The following P2RX7 variants were observed in gnomAD, a reference collection of about 807,000 sequenced individuals.
P2RX7 encodes P2X purinoceptor 7.
A neutral mutation model predicts 71.6 loss-of-function variants in P2RX7; 62 were observed. The ratio of observed to expected loss-of-function variants is 0.87; its 90% CI spans 0.71 to 1.07. The LOEUF (loss-of-function observed/expected upper bound fraction) is 1.07, where lower values mean the gene tolerates loss of function less well. P2RX7 is among the 50% of genes least tolerant of loss of function. P2RX7 has a pLI of 0.00. For missense variants in P2RX7, 686 were observed against 748.5 expected (o/e 0.92, Z 0.97); for synonymous variants, 299 against 283.3 (o/e 1.06, Z -0.56).
intron 1 of P2RX7, among the ~76,000 whole-genome samples, chr12:121,134,697 T>A (rs1404081048): frequency 1.3e-5 from 2 of 152,144 alleles, no homozygotes; most frequent in Admixed American, 1.3e-4. Context: ...CGGCTGATTG[T>A]CTGTCTTTTT....
At chr12:121,139,969 C>T (rs541109763) in intron 1 of P2RX7, among the ~76,000 whole-genome samples, 12 of 152,196 alleles carry the variant, frequency 7.9e-5, no homozygotes, top group African/African-American at 1.9e-4. Flanking sequence ...TGGCCTCAAG[C>T]GATCCGTCCG....
At chr12:121,137,353 T>C (rs1243031649) in intron 1 of P2RX7, among the ~76,000 whole-genome samples, 1 of 152,186 alleles carries the variant, frequency 6.6e-6, no homozygotes, top group Non-Finnish European at 1.5e-5. Context: ...CAACTTGTTC[T>C]AGATCTGGAG....
intron 3 of P2RX7, among the ~76,000 whole-genome samples, chr12:121,159,003 C>T (rs1299622692): frequency 6.6e-6 from 1 of 152,212 alleles, no homozygotes; most frequent in Non-Finnish European, 1.5e-5. Context: ...TGTGACAAGG[C>T]AGCCTGGGAA....
At chr12:121,166,517 C>T (rs1343153712) in intron 7 of P2RX7, among the ~76,000 whole-genome samples, 2 of 152,106 alleles carry the variant, frequency 1.3e-5, no homozygotes, top group African/African-American at 4.8e-5. Flanking sequence ...GGGCAGTGCT[C>T]CCTCCGGGAC....
chr12:121,144,263 T>A (rs892846984), intron 1 of P2RX7, among the ~76,000 whole-genome samples: 1 of 152,194 alleles, frequency 6.6e-6, no homozygotes, highest in Non-Finnish European at 1.5e-5. Context: ...AGTGGTATGA[T>A]CTCGCCTCAC....
Position 121,180,439 on chromosome 12 carries a change from AG to A in P2RX7, c.1277del (p.Gly426AlafsTer180), listed in dbSNP as rs1883948083. On this transcript the variant is annotated frameshift_variant, in exon 12 of 13. Coordinates refer to ENST00000328963, the MANE Select transcript of P2RX7 (RefSeq NM_002562.6). LOFTEE classifies it low-confidence loss of function (END_TRUNC). The stretch of plus-strand genomic sequence containing the variant: ...CTAGGGAGAAGTCTGCAAGATGTCA[AG>A]GGCCAAGAAGTCCCAGTAAGTTAAA... Reference protein sequence around the residue: ...QLLGRSLQDVKGQEVPRPAMD... With the variant: ...QLLGRSLQDVXGQEVPRPAMD... 9 of 1,574,260 alleles carry A rather than the reference AG, an allele frequency of 5.7e-6. No homozygotes were observed. Among genetic ancestry groups the A allele is most frequent in the Non-Finnish European group, 7.8e-6 (9 of 1,158,038 alleles).
At chr12:121,171,581 G>A (rs556578697) in intron 8 of P2RX7, among the ~76,000 whole-genome samples, 4 of 151,836 alleles carry the variant, frequency 2.6e-5, no homozygotes, top group Non-Finnish European at 4.4e-5. Context: ...TGCAAACACT[G>A]TATTTCCAAA....
intron 1 of P2RX7, among the ~76,000 whole-genome samples, chr12:121,135,860 C>G (rs957231118): frequency 4.0e-5 from 6 of 149,788 alleles, no homozygotes; most frequent in African/African-American, 1.5e-4. Flanking sequence ...AAAAATTAGC[C>G]GGGCATGGTG....
At chr12:121,163,572 A>AG (rs1395653122) in intron 5 of P2RX7, among the ~76,000 whole-genome samples, 5 of 104,326 alleles carry the variant, frequency 4.8e-5, no homozygotes, top group Non-Finnish European at 8.8e-5. Flanking sequence ...ATAGATAGAT[A>AG]AATAGATAAT....
intron 4 of P2RX7, 130 bp from the exon 5 acceptor site, chr12:121,162,294 C>A (rs112541259): frequency 2.1e-6 from 3 of 1,454,512 alleles, no homozygotes; most frequent in Admixed American, 2.5e-5. Context: ...GAAGCTGAAG[C>A]TGCGTGGGTT....
intron 1 of P2RX7, among the ~76,000 whole-genome samples, chr12:121,146,101 T>C (rs990632175): frequency 7.2e-5 from 11 of 152,148 alleles, no homozygotes; most frequent in Admixed American, 5.2e-4. Flanking sequence ...AACTTTCGCC[T>C]TTGGTTAGAG....
chr12:121,142,369 A>G (rs1302695413), intron 1 of P2RX7, among the ~76,000 whole-genome samples: 1 of 152,120 alleles, frequency 6.6e-6, no homozygotes, highest in Non-Finnish European at 1.5e-5. Flanking sequence ...AAGTCCTCCC[A>G]CATTCCCTGC....
Position 121,184,430 on chromosome 12 carries a change from T to G in P2RX7, c.1416T>G (p.Asp472Glu), listed in dbSNP as rs1884640720. Residue 472 changes from aspartate to glutamate, a missense_variant, in exon 13 of 13, where the codon GAT becomes GAG. Transcript: ENST00000328963. ...AGGAGGCGACTCCTAGATCCAGGGA[T>G]AGCCCCGTCTGGTGCCAGTGTGGAA... ...LRKEATPRSR[D>E]SPVWCQCGSC... 1 of 1,614,016 alleles carries G rather than the reference T, an allele frequency of 6.2e-7. No individual in the cohort carries two copies. Among genetic ancestry groups the G allele is most frequent in the South Asian group, 1.1e-5 (1 of 91,086 alleles).
At chr12:121,174,569 G>T (rs1246622394) in intron 8 of P2RX7, among the ~76,000 whole-genome samples, 2 of 152,000 alleles carry the variant, frequency 1.3e-5, no homozygotes, top group Non-Finnish European at 1.5e-5. Flanking sequence ...GTTTGGCCCT[G>T]TGATTAATGA....
At chr12:121,168,933 C>CT (rs1881649752) in intron 8 of P2RX7, among the ~76,000 whole-genome samples, 1 of 152,058 alleles carries the variant, frequency 6.6e-6, no homozygotes, top group Admixed American at 6.6e-5. Context: ...TTATCATATG[C>CT]TTTTTATTTT....
chr12:121,145,598 C>G (rs1254349553), intron 1 of P2RX7, among the ~76,000 whole-genome samples: 1 of 151,942 alleles, frequency 6.6e-6, no homozygotes, highest in African/African-American at 2.4e-5. Flanking sequence ...CCTCTGCCTC[C>G]TGGGTTCAAG....
At chr12:121,155,341 A>G (rs1301283437) in intron 2 of P2RX7, 3 of 1,298,492 alleles carry the variant, frequency 2.3e-6, no homozygotes, top group Middle Eastern at 2.1e-4. Flanking sequence ...GTAGCATTTC[A>G]TCAACAAAAA....
intron 12 of P2RX7, among the ~76,000 whole-genome samples, chr12:121,184,056 C>T (rs1316933622): frequency 1.5e-5 from 2 of 135,858 alleles, no homozygotes; most frequent in South Asian, 4.8e-4. Context: ...CAGAGTGAGA[C>T]CCTCTCTCAA....
At position 121,184,507 on chromosome 12, in the gene P2RX7, G is replaced by A. The variant is rs1458178826; in HGVS notation, c.1493G>A (p.Cys498Tyr). Reference protein sequence around the residue: ...PESHRCLEELCCRKKPGACIT... With the variant: ...PESHRCLEELYCRKKPGACIT... ...AGCCACAGGTGCCTGGAGGAGCTGT[G>A]CTGCCGGAAAAAGCCGGGGGCCTGC... Residue 498 changes from cysteine (C) to tyrosine (Y), a missense_variant, in exon 13 of 13, where the codon TGC becomes TAC. Physicochemically the swap from Cys to Tyr is radical, Grantham distance 194 (BLOSUM62 -2). Transcript: ENST00000328963. 11 of 1,614,092 alleles carry A rather than the reference G, an allele frequency of 6.8e-6. No individual in the cohort carries two copies. The highest frequency in any genetic ancestry group is 1.3e-5 in the African/African-American group (1 of 74,948).
Sources: gnomAD v4.1 joint callset for allele counts (sites outside exome capture counted in the v4.1 genomes callset) on GRCh38, gnomAD v4.1.1 for gene constraint, MANE v1.5 for transcripts, NCBI Gene and HGNC (gene_info 2026-07-23, HGNC 2026-07-21) for gene names.